The following OR5AN1 variants were observed in gnomAD, a reference collection of about 807,000 sequenced individuals.
The protein encoded by OR5AN1 is olfactory receptor 5AN1.
For synonymous variants in OR5AN1, 167 were observed against 131.8 expected, an observed-to-expected ratio of 1.27 and a Z score of -1.83; for missense variants, 476 against 368.9, an observed-to-expected ratio of 1.29 and a Z score of -2.38.
rs1857521570 is a variant in OR5AN1, at chr11:59,365,544, A to G, written c.*150A>G. 1.5e-5 allele frequency: 9 copies of G among 583,468 alleles called. No individual in the cohort carries two copies. In the East Asian group the frequency reaches 2.3e-4, roughly 15 times the overall value. The allele number at this position is 583,468 out of a possible 1,614,324, so 36.1% of individuals were successfully genotyped here. A position where few individuals can be genotyped will look rare whatever the true frequency, so the allele number is the denominator to read the frequency against. On this transcript the variant is annotated 3_prime_UTR_variant, in exon 2 of 2. Transcript: ENST00000641998. ...GATTTGATGCACAAAATATGCCAAT[A>G]TGGACCAACAGATGACTCAATGCCA...
chr11:59,362,325 TTA>T, intron 1 of OR5AN1, among the ~76,000 whole-genome samples: 1 of 152,302 alleles, frequency 6.6e-6, no homozygotes, highest in South Asian at 2.1e-4. Context: ...AATTTCTGTT[TTA>T]GTGTTATTTT....
intron 1 of OR5AN1, among the ~76,000 whole-genome samples, chr11:59,361,091 T>A (rs1857457386): frequency 6.6e-6 from 1 of 151,810 alleles, no homozygotes; most frequent in Admixed American, 6.6e-5. Context: ...TTCAGCTGTG[T>A]GGGAGATAAC....
intron 1 of OR5AN1, among the ~76,000 whole-genome samples, chr11:59,361,412 G>C (rs1894124): frequency 0.93 from 142,111 of 152,220 alleles, 66,916 homozygotes; most frequent in Non-Finnish European, 1. Flanking sequence ...TCCCAAGTAG[G>C]TGGGACTACA....
intron 1 of OR5AN1, among the ~76,000 whole-genome samples, chr11:59,361,856 A>G (rs1051193764): frequency 1.3e-4 from 19 of 151,948 alleles, no homozygotes; most frequent in African/African-American, 4.4e-4. Context: ...TAATATTTTT[A>G]TCATAAATGC....
chr11:59,365,936 T>G lies in OR5AN1; in HGVS notation c.*542T>G, dbSNP rs1210725997. On this transcript the variant is annotated 3_prime_UTR_variant, in exon 2 of 2. Coordinates refer to ENST00000641998, the MANE Select transcript of OR5AN1 (RefSeq NM_001004729.2). Reference sequence around the variant, plus strand: ...AAAAAAAGCAATATATTGGCCTGGTTGTGTCTTTAAGAAAGAGCAACATGA... The same window carrying G: ...AAAAAAAGCAATATATTGGCCTGGTGGTGTCTTTAAGAAAGAGCAACATGA... The G allele has an allele frequency of 6.6e-6, 1 of 152,380 alleles. No individual in the cohort carries two copies. The highest frequency in any genetic ancestry group is 1.5e-5 in the Non-Finnish European group (1 of 68,178). The allele number at this position is 152,380 out of a possible 1,614,324, so 9.4% of individuals were successfully genotyped here.
rs1021463456 is a variant in OR5AN1, at chr11:59,368,932, G to A, written c.*3538G>A. ...ATAGGGGAGCCACACAACAGAACAAGAGTCTTCCAGCTGTCCTGTAAGCCT... is the reference window on the plus strand; with the variant it reads ...ATAGGGGAGCCACACAACAGAACAAAAGTCTTCCAGCTGTCCTGTAAGCCT... On this transcript the variant is annotated 3_prime_UTR_variant, in exon 2 of 2. Transcript: ENST00000641998. 5.3e-5 allele frequency: 8 copies of A among 152,210 alleles called. No homozygotes were observed. Among genetic ancestry groups the A allele is most frequent in the African/African-American group, 1.9e-4 (8 of 41,438 alleles). The allele number at this position is 152,210 out of a possible 1,614,324, so 9.4% of individuals were successfully genotyped here.
Position 59,370,653 on chromosome 11 carries a change from TA to T in OR5AN1, c.*5261del. 1 of 152,324 alleles carries T rather than the reference TA, an allele frequency of 6.6e-6. No homozygotes were observed. Among genetic ancestry groups the T allele is most frequent in the African/African-American group, 2.4e-5 (1 of 41,576 alleles). 9.4% of individuals were successfully genotyped at this position (152,324 alleles called of 1,614,324 possible). On this transcript the variant is annotated 3_prime_UTR_variant, in exon 2 of 2. Coordinates refer to ENST00000641998, the MANE Select transcript of OR5AN1 (RefSeq NM_001004729.2). ...GTATTCAGAAGCTATATAAGTGACA[TA>T]AGCAAGATGGGGAGTCAGGGATCTC...
chr11:59,363,136 A>G lies in OR5AN1; in HGVS notation c.-13-1310A>G, dbSNP rs1590580902. ...ATTCCTACCCACAGGTATACCTGTC[A>G]CTCATGATTATCTGTAAGCAGTCCA... On this transcript the variant is annotated intron_variant, in intron 1 of 1. Transcript: ENST00000641998. Among the ~76,000 whole-genome samples the G allele has an allele frequency of 2.0e-5, 3 of 152,324 alleles. No homozygotes were observed. In the East Asian group the frequency reaches 5.8e-4, roughly 29 times the overall value.
rs1006464662 is a variant in OR5AN1 at position 59,366,072 on chromosome 11, A to G, written c.*678A>G. ...AAGAAAGAAGGAGGTGATTTTAATC[A>G]TGAAGTGGGATAGAAACAAGGATAT... On this transcript the variant is annotated 3_prime_UTR_variant, in exon 2 of 2. Transcript: ENST00000641998. 6.6e-6 allele frequency: 1 copy of G among 152,230 alleles called. No homozygotes were observed. Among genetic ancestry groups the G allele is most frequent in the Non-Finnish European group, 1.5e-5 (1 of 68,040 alleles). 9.4% of individuals were successfully genotyped at this position (152,230 alleles called of 1,614,324 possible).
In OR5AN1 at chr11:59,365,428, C is replaced by A; in HGVS notation, c.*34C>A. 2 of 1,312,040 alleles carry A rather than the reference C, an allele frequency of 1.5e-6. No individual in the cohort carries two copies. The highest frequency in any genetic ancestry group is 2.1e-6 in the Non-Finnish European group (2 of 945,440). 81.3% of individuals were successfully genotyped at this position (1,312,040 alleles called of 1,614,324 possible). The stretch of plus-strand genomic sequence containing the variant: ...ATTCTGAGATTTCTGCCAGATATGG[C>A]CCATCAGAATCTCCCTAACCCACAA... On this transcript the variant is annotated 3_prime_UTR_variant, in exon 2 of 2. Transcript: ENST00000641998.
Position 59,364,658 on chromosome 11 carries a change from T to G in OR5AN1, c.200T>G (p.Leu67Arg). 1 of 1,614,046 alleles carries G rather than the reference T, an allele frequency of 6.2e-7. No individual in the cohort carries two copies. The highest frequency in any genetic ancestry group is 2.2e-5 in the East Asian group (1 of 44,886). ...CCCATGTATTTCTTCCTCAGTAACC[T>G]GTCCTTCATAGATGTCTGCTATATC... is the stretch of plus-strand genomic sequence containing the variant. ...HTPMYFFLSN[L>R]SFIDVCYISS... The change falls in exon 2 of 2, where the codon CTG (leucine) becomes CGG (arginine). Residue 67 changes from leucine to arginine, a missense_variant. By Grantham distance (102) the Leu-to-Arg change is moderately radical (BLOSUM62 -2). Transcript: ENST00000641998.
rs1013922275 is a variant in OR5AN1 at position 59,371,594 on chromosome 11, G to A, written c.*6200G>A. On this transcript the variant is annotated 3_prime_UTR_variant, in exon 2 of 2. Transcript: ENST00000641998. ...CAACAACAACTTACAAATAAAGGAT[G>A]TAAAATGAATTATAATACAAGGCAA... 2 of 152,208 alleles carry A rather than the reference G, an allele frequency of 1.3e-5. No individual in the cohort carries two copies. The highest frequency in any genetic ancestry group is 6.5e-5 in the Admixed American group (1 of 15,274). The allele number at this position is 152,208 out of a possible 1,614,324, so 9.4% of individuals were successfully genotyped here.
chr11:59,358,912 T>C lies in OR5AN1; in HGVS notation c.-374T>C, dbSNP rs967745123. 4 of 152,164 alleles carry C rather than the reference T, an allele frequency of 2.6e-5. No homozygotes were observed. Among genetic ancestry groups the C allele is most frequent in the Non-Finnish European group, 4.4e-5 (3 of 68,032 alleles). The allele number at this position is 152,164 out of a possible 1,614,324, so 9.4% of individuals were successfully genotyped here. A position where few individuals can be genotyped will look rare whatever the true frequency, so the allele number is the denominator to read the frequency against. Reference sequence around the variant, plus strand: ...TTGAGGCCATCTCTCTTGCTGTGAGTGGACAGCCAATTTTGTGGTCAAACA... The same window carrying C: ...TTGAGGCCATCTCTCTTGCTGTGAGCGGACAGCCAATTTTGTGGTCAAACA... On this transcript the variant is annotated 5_prime_UTR_variant, in exon 1 of 2. Coordinates refer to ENST00000641998, the MANE Select transcript of OR5AN1 (RefSeq NM_001004729.2).
At position 59,367,035 on chromosome 11, in the gene OR5AN1, G is replaced by A. The variant is rs1436846298; in HGVS notation, c.*1641G>A. On this transcript the variant is annotated 3_prime_UTR_variant, in exon 2 of 2. Coordinates refer to ENST00000641998, the MANE Select transcript of OR5AN1 (RefSeq NM_001004729.2). The stretch of plus-strand genomic sequence containing the variant: ...GAATAAAATAAAGCAATATTTATGA[G>A]ATGTAGCCAAAGCTAAAATCAGAAG... 2 of 152,188 alleles carry A rather than the reference G, an allele frequency of 1.3e-5. No homozygotes were observed. The highest frequency in any genetic ancestry group is 4.8e-5 in the African/African-American group (2 of 41,448). 9.4% of individuals were successfully genotyped at this position (152,188 alleles called of 1,614,324 possible).
chr11:59,361,667 A>G (rs1360270677), intron 1 of OR5AN1, among the ~76,000 whole-genome samples: 2 of 152,182 alleles, frequency 1.3e-5, no homozygotes, highest in Non-Finnish European at 2.9e-5. Flanking sequence ...TCACATATAG[A>G]TGAAGCAACT....
At position 59,365,185 on chromosome 11, in the gene OR5AN1, G is replaced by A. The variant is rs771658012; in HGVS notation, c.727G>A (p.Ala243Thr). 10 of 1,613,888 alleles carry A rather than the reference G, an allele frequency of 6.2e-6. No homozygotes were observed. The highest frequency in any genetic ancestry group is 1.7e-5 in the Admixed American group (1 of 59,976). ...KGRSKAFNTC[A>T]SHLTAVSLFY... is the part of the protein sequence containing the mutation. ...CAGGTCCAAGGCATTCAACACCTGT[G>A]CTTCTCATCTAACAGCTGTTTCCCT... Residue 243 changes from alanine to threonine, a missense_variant, in exon 2 of 2, where the codon GCT becomes ACT. Ala to Thr is a moderately conservative substitution (Grantham distance 58, BLOSUM62 0). Transcript: ENST00000641998.
rs1182778309 is a variant in OR5AN1, at chr11:59,368,347, A to G, written c.*2953A>G. The G allele has an allele frequency of 1.3e-5, 2 of 152,542 alleles. No individual in the cohort carries two copies. Among genetic ancestry groups the G allele is most frequent in the East Asian group, 3.9e-4 (2 of 5,190 alleles). The allele number at this position is 152,542 out of a possible 1,614,324, so 9.4% of individuals were successfully genotyped here. Reference sequence around the variant, plus strand: ...GATCTTCAGGCCTGGGCTTCCAGCCACCACCAGCCAGAACTATCAAGCCAG... The same window carrying G: ...GATCTTCAGGCCTGGGCTTCCAGCCGCCACCAGCCAGAACTATCAAGCCAG... On this transcript the variant is annotated 3_prime_UTR_variant, in exon 2 of 2. Coordinates refer to ENST00000641998, the MANE Select transcript of OR5AN1 (RefSeq NM_001004729.2).
At position 59,368,894 on chromosome 11, in the gene OR5AN1, A is replaced by G. The variant is rs1857563741; in HGVS notation, c.*3500A>G. ...AGCACTGAGAGGGAACACAGCTGCA[A>G]ATGTGAGGAAACATAGGGGAGCCAC... On this transcript the variant is annotated 3_prime_UTR_variant, in exon 2 of 2. Coordinates refer to ENST00000641998, the MANE Select transcript of OR5AN1 (RefSeq NM_001004729.2). 6.6e-6 allele frequency: 1 copy of G among 152,250 alleles called. No homozygotes were observed. Among genetic ancestry groups the G allele is most frequent in the African/African-American group, 2.4e-5 (1 of 41,442 alleles). The allele number at this position is 152,250 out of a possible 1,614,324, so 9.4% of individuals were successfully genotyped here. A position where few individuals can be genotyped will look rare whatever the true frequency, so the allele number is the denominator to read the frequency against.
chr11:59,365,044 G>A lies in OR5AN1; in HGVS notation c.586G>A (p.Val196Ile), dbSNP rs758645098. ...LILSCTDTFF[V>I]QVMTAILTMF... is the part of the protein sequence containing the mutation. ...CTTGTCCTGTACTGACACTTTCTTT[G>A]TACAGGTCATGACTGCTATATTAAC... Residue 196 changes from valine (V) to isoleucine (I), a missense_variant, in exon 2 of 2, where the codon GTA (valine) becomes ATA (isoleucine). Transcript: ENST00000641998. The A allele has an allele frequency of 6.2e-7, 1 of 1,614,048 alleles. No individual in the cohort carries two copies. Among genetic ancestry groups the A allele is most frequent in the South Asian group, 1.1e-5 (1 of 91,084 alleles).
Sources: gnomAD v4.1 joint callset for allele counts (sites outside exome capture counted in the v4.1 genomes callset) on GRCh38, gnomAD v4.1.1 for gene constraint, MANE v1.5 for transcripts, NCBI Gene and HGNC (gene_info 2026-07-23, HGNC 2026-07-21) for gene names.